The following SCFD1 variants were observed in gnomAD, a reference collection of about 807,000 sequenced individuals.
SCFD1 encodes the protein sec1 family domain-containing protein 1.
SCFD1 carries 37 observed loss-of-function variants against 103.2 expected under a neutral mutation model. That is an observed-to-expected ratio of 0.36 (90% CI 0.28 to 0.47). SCFD1 has a LOEUF of 0.47. SCFD1 is among the 20% of genes least tolerant of loss of function. The pLI is 1.00. For synonymous variants in SCFD1, 264 were observed against 245.0 expected (o/e 1.08, Z -0.73); for missense variants, 639 against 761.2 (o/e 0.84, Z 1.89).
Position 30,735,747 on chromosome 14 carries a change from G to A in SCFD1, c.*138G>A. 15 of 586,986 alleles carry A rather than the reference G, an allele frequency of 2.6e-5. No individual in the cohort carries two copies. The highest frequency in any genetic ancestry group is 7.9e-5 in the South Asian group (3 of 37,970). The allele number at this position is 586,986 out of a possible 1,614,324, so 36.4% of individuals were successfully genotyped here. ...ATCAGAGTTATTTGTTAATTTTTAA[G>A]GAAATTATATACTTAATATGTATTG... On this transcript the variant is annotated 3_prime_UTR_variant, in exon 25 of 25. Coordinates refer to ENST00000458591, the MANE Select transcript of SCFD1 (RefSeq NM_016106.4).
In SCFD1 at chr14:30,696,676, T is replaced by C. The variant is rs527369130; in HGVS notation, c.1339+1807T>C. Among the ~76,000 whole-genome samples, 3 of 152,188 alleles carry C rather than the reference T, an allele frequency of 2.0e-5. No individual in the cohort carries two copies. The East Asian group carries it at 5.8e-4, about 29-fold the overall frequency. ...CACATGTGGGAGTAGTCTAGCAAGG[T>C]GTGTGAGAACCATAACAGATTGAGG... is the stretch of plus-strand genomic sequence containing the variant. On this transcript the variant is annotated intron_variant, in intron 15 of 24. Transcript: ENST00000458591.
chr14:30,725,424 G>A (rs1808888942), intron 23 of SCFD1, among the ~76,000 whole-genome samples: 1 of 152,068 alleles, frequency 6.6e-6, no homozygotes, highest in Non-Finnish European at 1.5e-5. Context: ...GTTTTCTTGG[G>A]TATTTTATTC....
intron 20 of SCFD1, among the ~76,000 whole-genome samples, chr14:30,718,419 T>C (rs1196024916): frequency 6.6e-6 from 1 of 152,254 alleles, no homozygotes; most frequent in Non-Finnish European, 1.5e-5. Context: ...AGGCATATTA[T>C]TGCAGACGGA....
chr14:30,641,567 T>G (rs1885279914), intron 6 of SCFD1, among the ~76,000 whole-genome samples: 1 of 152,232 alleles, frequency 6.6e-6, no homozygotes, highest in South Asian at 2.1e-4. Context: ...TGCCACTGAT[T>G]AATGAAATGA....
Position 30,628,297 on chromosome 14 carries a change from T to A in SCFD1, c.132+18T>A, listed in dbSNP as rs1403419643. 2 of 1,539,196 alleles carry A rather than the reference T, an allele frequency of 1.3e-6. No homozygotes were observed. Among genetic ancestry groups the A allele is most frequent in the East Asian group, 2.3e-5 (1 of 44,402 alleles). ...TATGGAAGGTAAGAGTTTATCTTAA[T>A]GGGAACTGATTTCTGTTTTTCTCAG... On this transcript the variant is annotated intron_variant, in intron 2 of 24. Coordinates refer to ENST00000458591, the MANE Select transcript of SCFD1 (RefSeq NM_016106.4).
chr14:30,632,003 G>A (rs1018982029), intron 3 of SCFD1, among the ~76,000 whole-genome samples: 3 of 137,690 alleles, frequency 2.2e-5, no homozygotes, highest in East Asian at 2.2e-4. Context: ...AACCGAGATC[G>A]TGACACTACA....
chr14:30,690,950 C>T (rs1890253287), intron 14 of SCFD1, among the ~76,000 whole-genome samples: 1 of 152,112 alleles, frequency 6.6e-6, no homozygotes, highest in Non-Finnish European at 1.5e-5. Flanking sequence ...TCTTATTACC[C>T]AAACTGTATT....
chr14:30,712,240 G>A (rs771987808), intron 19 of SCFD1, among the ~76,000 whole-genome samples: 9 of 152,040 alleles, frequency 5.9e-5, no homozygotes, highest in South Asian at 2.1e-4. Context: ...CAAGATAAGC[G>A]TCCTCTTACA....
At chr14:30,637,471 A>T (rs1884844403) in intron 4 of SCFD1, among the ~76,000 whole-genome samples, 1 of 152,126 alleles carries the variant, frequency 6.6e-6, no homozygotes, top group African/African-American at 2.4e-5. Flanking sequence ...CATCGCTAAA[A>T]TCAGGTGCAT....
chr14:30,707,977 T>G lies in SCFD1; in HGVS notation c.1554-13T>G. The G allele has an allele frequency of 6.3e-7, 1 of 1,595,628 alleles. No homozygotes were observed. The highest frequency in any genetic ancestry group is 8.6e-7 in the Non-Finnish European group (1 of 1,163,370). ...TGTACTTAGAATGGTCCTTCTCTTT[T>G]GCCCCTACCTAGTCTTTTATCACGA... On this transcript the variant is annotated splice_polypyrimidine_tract_variant and intron_variant, in intron 18 of 24. Transcript: ENST00000458591.
At chr14:30,632,716 G>T (rs1201208079) in intron 3 of SCFD1, among the ~76,000 whole-genome samples, 1 of 152,170 alleles carries the variant, frequency 6.6e-6, no homozygotes, top group Admixed American at 6.5e-5. Context: ...GAAGGCTTAA[G>T]TGATTGTCTC....
chr14:30,660,271 A>G (rs1887318009), intron 10 of SCFD1, among the ~76,000 whole-genome samples: 1 of 152,136 alleles, frequency 6.6e-6, no homozygotes, highest in African/African-American at 2.4e-5. Flanking sequence ...GGCTGATTGT[A>G]TCCTTTTGTA....
intron 23 of SCFD1, among the ~76,000 whole-genome samples, chr14:30,732,461 G>A (rs1010445832): frequency 1.3e-5 from 2 of 152,118 alleles, no homozygotes; most frequent in Non-Finnish European, 2.9e-5. Context: ...TAGCTACTAA[G>A]CTCCCCAGTT....
Position 30,680,958 on chromosome 14 carries a change from C to T in SCFD1, c.1242+5893C>T, listed in dbSNP as rs548818340. Reference sequence around the variant, plus strand: ...TTTAAGAGTTCAACATTCAGCTGGGCGCGGTGGCTCACACCTGTCATCCCA... The same window carrying T: ...TTTAAGAGTTCAACATTCAGCTGGGTGCGGTGGCTCACACCTGTCATCCCA... On this transcript the variant is annotated intron_variant, in intron 14 of 24. Transcript: ENST00000458591. Among the ~76,000 whole-genome samples, 22 of 152,210 alleles carry T rather than the reference C, an allele frequency of 1.4e-4. No homozygotes were observed. The South Asian group carries it at 2.5e-3, about 17-fold the overall frequency.
chr14:30,719,422 G>A (rs768412123), intron 21 of SCFD1, 45 bp downstream of exon 21: 20 of 1,415,364 alleles, frequency 1.4e-5, no homozygotes, highest in East Asian at 1.1e-4. Flanking sequence ...TTTTCCCCTC[G>A]AGAATGGAAA....
At chr14:30,663,657 G>T (rs1012669141) in intron 10 of SCFD1, among the ~76,000 whole-genome samples, 2 of 152,168 alleles carry the variant, frequency 1.3e-5, no homozygotes, top group African/African-American at 4.8e-5. Flanking sequence ...GGCTACCCAT[G>T]TTCTGCACTA....
chr14:30,682,265 A>AGAAGAGATGG (rs1463160094), intron 14 of SCFD1, among the ~76,000 whole-genome samples: 6 of 152,356 alleles, frequency 3.9e-5, no homozygotes, highest in Non-Finnish European at 8.8e-5. Flanking sequence ...CCATCTGTGT[A>AGAAGAGATGG]CAGAAGAGAG....
chr14:30,632,960 T>C (rs1332274127), intron 3 of SCFD1, among the ~76,000 whole-genome samples: 4 of 152,220 alleles, frequency 2.6e-5, no homozygotes, highest in Non-Finnish European at 5.9e-5. Context: ...GCTACCATGG[T>C]GAACTCTTGT....
intron 2 of SCFD1, among the ~76,000 whole-genome samples, chr14:30,629,062 C>T (rs995941060): frequency 1.3e-5 from 2 of 152,164 alleles, no homozygotes; most frequent in Non-Finnish European, 2.9e-5. Flanking sequence ...TGGGCATCTT[C>T]CTATTGCCTC....
Sources: gnomAD v4.1 joint callset for allele counts (sites outside exome capture counted in the v4.1 genomes callset) on GRCh38, gnomAD v4.1.1 for gene constraint, MANE v1.5 for transcripts, NCBI Gene and HGNC (gene_info 2026-07-23, HGNC 2026-07-21) for gene names.